The following SLCO1B1 variants were observed in gnomAD, a reference collection of about 807,000 sequenced individuals.
SLCO1B1 encodes the protein OATP-2.
SLCO1B1 carries 81 observed loss-of-function variants against 70.1 expected under a neutral mutation model. The observed-to-expected ratio is 1.16, with a 90% CI of 0.97 to 1.39. The LOEUF (loss-of-function observed/expected upper bound fraction) is 1.39, where lower values mean the gene tolerates loss of function less well. Among genes scored for constraint, SLCO1B1 ranks in the 40% most tolerant of loss-of-function variants. The pLI is 0.00. For synonymous variants in SLCO1B1, 283 were observed against 271.5 expected, an observed-to-expected ratio of 1.04 and a Z score of -0.42; for missense variants, 895 against 799.6, an observed-to-expected ratio of 1.12 and a Z score of -1.44.
chr12:21,138,034 C>G (rs1212420137), intron 1 of SLCO1B1, among the ~76,000 whole-genome samples: 4 of 152,192 alleles, frequency 2.6e-5, no homozygotes, highest in Non-Finnish European at 5.9e-5. Context: ...TATTAGTTCC[C>G]TTCTCCAATT....
chr12:21,182,197 G>T (rs1940908308), intron 7 of SLCO1B1, among the ~76,000 whole-genome samples: 1 of 152,106 alleles, frequency 6.6e-6, no homozygotes, highest in Non-Finnish European at 1.5e-5. Flanking sequence ...GCCCTGAGTG[G>T]CTCCTAGCTA....
At chr12:21,147,591 G>A (rs1940406232) in intron 2 of SLCO1B1, among the ~76,000 whole-genome samples, 1 of 152,130 alleles carries the variant, frequency 6.6e-6, no homozygotes. Flanking sequence ...CTTCATCCAT[G>A]TCCCTGCAAA....
intron 1 of SLCO1B1, among the ~76,000 whole-genome samples, chr12:21,138,838 T>A (rs973736609): frequency 1.3e-5 from 2 of 152,162 alleles, no homozygotes; most frequent in African/African-American, 2.4e-5. Flanking sequence ...TTCTTGGGAC[T>A]GTGGTTTCAT....
chr12:21,174,292 C>G (rs550257220), intron 3 of SLCO1B1, among the ~76,000 whole-genome samples: 1 of 152,212 alleles, frequency 6.6e-6, no homozygotes, highest in East Asian at 1.9e-4. Context: ...CAGGAAGATT[C>G]ATCTCCATTT....
At chr12:21,176,657 C>T (rs1940824606) in intron 4 of SLCO1B1, 119 bp from the exon 5 acceptor site, 4 of 780,846 alleles carry the variant, frequency 5.1e-6, no homozygotes, top group South Asian at 4.4e-5. Flanking sequence ...ACAGAAAGTA[C>T]TCTGGTAATT....
rs1363072024 is a variant in SLCO1B1, at chr12:21,215,914, A to G, written c.1498-1205A>G. Among the ~76,000 whole-genome samples the G allele has an allele frequency of 2.6e-5, 4 of 152,162 alleles. No homozygotes were observed. The South Asian group carries it at 6.2e-4, about 24-fold the overall frequency. On this transcript the variant is annotated intron_variant, in intron 11 of 14. Transcript: ENST00000256958. ...CTCTATATTAGTGTTCAGGGTTTCA[A>G]TTACTCTTTGTTCGTCTTGGATGGT...
intron 1 of SLCO1B1, among the ~76,000 whole-genome samples, chr12:21,133,359 T>C (rs1442610102): frequency 6.6e-6 from 1 of 152,148 alleles, no homozygotes; most frequent in Non-Finnish European, 1.5e-5. Context: ...TTTTTTCCAA[T>C]TCTGTGAAGA....
intron 12 of SLCO1B1, among the ~76,000 whole-genome samples, chr12:21,218,156 G>A (rs186442144): frequency 4.6e-5 from 7 of 152,194 alleles, no homozygotes; most frequent in African/African-American, 7.2e-5. Flanking sequence ...TGGTGCTGAC[G>A]CCTTAATACA....
At chr12:21,235,767 T>C (rs1941590456) in intron 14 of SLCO1B1, among the ~76,000 whole-genome samples, 1 of 152,080 alleles carries the variant, frequency 6.6e-6, no homozygotes, top group African/African-American at 2.4e-5. Flanking sequence ...TGTTTACTGG[T>C]CTGGGAAATA....
At chr12:21,207,291 T>TA (rs1342130964) in intron 11 of SLCO1B1, among the ~76,000 whole-genome samples, 10 of 151,974 alleles carry the variant, frequency 6.6e-5, no homozygotes, top group African/African-American at 1.2e-4. Context: ...TGCTGTTTTT[T>TA]ATCTCTCCAC....
At chr12:21,225,699 A>G (rs1335455075) in intron 14 of SLCO1B1, among the ~76,000 whole-genome samples, 3 of 152,254 alleles carry the variant, frequency 2.0e-5, no homozygotes, top group Non-Finnish European at 2.9e-5. Flanking sequence ...TATCCCGAAT[A>G]TATACGGAAC....
Position 21,178,861 on chromosome 12 carries a change from C to T in SLCO1B1, c.629-61C>T, listed in dbSNP as rs1452778640. On this transcript the variant is annotated intron_variant, in intron 6 of 14. Coordinates refer to ENST00000256958, the MANE Select transcript of SLCO1B1 (RefSeq NM_006446.5). ...TATTGTATCATATTTCTTTTAAAAA[C>T]ATGGTGAATAAGAACCATGCATTCT... 3.6e-6 allele frequency: 5 copies of T among 1,402,262 alleles called. No homozygotes were observed. The Admixed American group carries it at 6.7e-5, about 19-fold the overall frequency. The allele number at this position is 1,402,262 out of a possible 1,614,324, so 86.9% of individuals were successfully genotyped here.
At chr12:21,150,417 G>A (rs1395441493) in intron 2 of SLCO1B1, among the ~76,000 whole-genome samples, 2 of 152,146 alleles carry the variant, frequency 1.3e-5, no homozygotes, top group African/African-American at 4.8e-5. Context: ...TCACAGCAGG[G>A]TTCAACAGAC....
At chr12:21,187,233 T>C (rs1940972935) in intron 7 of SLCO1B1, among the ~76,000 whole-genome samples, 1 of 152,104 alleles carries the variant, frequency 6.6e-6, no homozygotes, top group South Asian at 2.1e-4. Context: ...ACTGCTAGTA[T>C]CTACAAAGTT....
chr12:21,202,198 G>A (rs541345804), intron 9 of SLCO1B1, among the ~76,000 whole-genome samples: 10 of 152,164 alleles, frequency 6.6e-5, no homozygotes, highest in African/African-American at 1.7e-4. Flanking sequence ...ATCACACACC[G>A]GGGACTGTTG....
At chr12:21,207,585 G>C (rs1475150630) in intron 11 of SLCO1B1, among the ~76,000 whole-genome samples, 2 of 152,024 alleles carry the variant, frequency 1.3e-5, no homozygotes, top group Non-Finnish European at 2.9e-5. Flanking sequence ...TGTGAATAGA[G>C]CTGTGATGAC....
chr12:21,213,938 G>A (rs986989903), intron 11 of SLCO1B1, among the ~76,000 whole-genome samples: 4 of 149,174 alleles, frequency 2.7e-5, no homozygotes, highest in Non-Finnish European at 4.5e-5. Context: ...GCACTTCTCT[G>A]TATTGGTTAT....
At chr12:21,234,869 C>T (rs998417226) in intron 14 of SLCO1B1, among the ~76,000 whole-genome samples, 3 of 151,894 alleles carry the variant, frequency 2.0e-5, no homozygotes, top group Non-Finnish European at 4.4e-5. Flanking sequence ...GCTCTTGATA[C>T]TGATTTCTAT....
At chr12:21,171,814 A>G (rs7136445) in intron 2 of SLCO1B1, among the ~76,000 whole-genome samples, 64,224 of 151,764 alleles carry the variant, frequency 0.42, 14,267 homozygotes, top group African/African-American at 0.55. Context: ...CCATATCCTC[A>G]TTGTGTCATC....
Sources: allele counts gnomAD v4.1 joint callset (sites outside exome capture counted in the v4.1 genomes callset), GRCh38; gene constraint gnomAD v4.1.1; transcripts MANE v1.5; gene names NCBI Gene and HGNC (gene_info 2026-07-23, HGNC 2026-07-21).